Variants in FMNL2 observed in about 807,000 individuals in gnomAD.
FMNL2 encodes formin like 2.
Under a neutral mutation model 130.2 loss-of-function variants are expected in FMNL2, and 51 were observed. The observed-to-expected ratio is 0.39, with a 90% CI of 0.31 to 0.49. The LOEUF is 0.49. Among genes scored for constraint, FMNL2 ranks in the 20% least tolerant of loss-of-function variants. The probability of loss-of-function intolerance (pLI) is 0.85; values close to 1 mark genes in which losing one functional copy is unlikely to be tolerated. For missense variants in FMNL2, 977 were observed against 1,316.2 expected (o/e 0.74, Z 3.99); for synonymous variants, 465 against 467.1 (o/e 1.00, Z 0.06).
chr2:152,454,582 T>G (rs1239877815), intron 1 of FMNL2, among the ~76,000 whole-genome samples: 1 of 152,222 alleles, frequency 6.6e-6, no homozygotes, highest in Non-Finnish European at 1.5e-5. Flanking sequence ...GAAGGAGTTT[T>G]AGAGCCTATG....
chr2:152,427,066 G>T (rs1233165236), intron 1 of FMNL2, among the ~76,000 whole-genome samples: 1 of 152,184 alleles, frequency 6.6e-6, no homozygotes, highest in African/African-American at 2.4e-5. Flanking sequence ...GGAGAGGATT[G>T]TATCAACCTG....
At chr2:152,530,688 G>A (rs137876878) in intron 2 of FMNL2, among the ~76,000 whole-genome samples, 1 of 152,220 alleles carries the variant, frequency 6.6e-6, no homozygotes, top group African/African-American at 2.4e-5. Context: ...AATGCTCTTA[G>A]CCCAGATACA....
chr2:152,485,077 G>A (rs1189953472), intron 1 of FMNL2, among the ~76,000 whole-genome samples: 1 of 152,156 alleles, frequency 6.6e-6, no homozygotes, highest in Non-Finnish European at 1.5e-5. Context: ...ATATTCTGGG[G>A]CTGGGCATGG....
intron 3 of FMNL2, among the ~76,000 whole-genome samples, chr2:152,548,105 C>G (rs2105524311): frequency 6.6e-6 from 1 of 152,226 alleles, no homozygotes; most frequent in Admixed American, 6.5e-5. Context: ...GGGATTTTAA[C>G]AGGCAAGGGA....
intron 9 of FMNL2, among the ~76,000 whole-genome samples, chr2:152,598,615 G>A (rs1263106897): frequency 5.6e-5 from 7 of 125,294 alleles, no homozygotes; most frequent in South Asian, 2.5e-4. Context: ...CTTGAAACCC[G>A]GGAGGTAGAG....
intron 1 of FMNL2, among the ~76,000 whole-genome samples, chr2:152,349,388 G>A (rs1237437017): frequency 6.6e-6 from 1 of 152,214 alleles, no homozygotes; most frequent in Admixed American, 6.5e-5. Context: ...GAGACAATGG[G>A]CTGAGGGTGT....
At chr2:152,399,373 G>A (rs374890418) in intron 1 of FMNL2, among the ~76,000 whole-genome samples, 3 of 152,194 alleles carry the variant, frequency 2.0e-5, no homozygotes, top group African/African-American at 4.8e-5. Flanking sequence ...TGTGAGCCCC[G>A]GATGGTCTCT....
chr2:152,481,146 C>T (rs1232204199), intron 1 of FMNL2, among the ~76,000 whole-genome samples: 1 of 152,178 alleles, frequency 6.6e-6, no homozygotes, highest in African/African-American at 2.4e-5. Flanking sequence ...GGAAAGTAAA[C>T]ACTTAACTGA....
At chr2:152,370,389 C>T (rs1683808554) in intron 1 of FMNL2, among the ~76,000 whole-genome samples, 1 of 152,188 alleles carries the variant, frequency 6.6e-6, no homozygotes, top group Non-Finnish European at 1.5e-5. Context: ...CCAAAGGCCC[C>T]ACCTTTTAAT....
intron 11 of FMNL2, among the ~76,000 whole-genome samples, chr2:152,612,079 T>C (rs1412747696): frequency 6.6e-6 from 1 of 152,208 alleles, no homozygotes; most frequent in East Asian, 1.9e-4. Flanking sequence ...GCTGCTAAAT[T>C]CTGCTTCAAG....
intron 1 of FMNL2, among the ~76,000 whole-genome samples, chr2:152,375,873 C>A (rs373760804): frequency 0.035 from 3,967 of 113,106 alleles, 84 homozygotes; most frequent in South Asian, 0.071. Context: ...CTCTCTCTCT[C>A]TCTCTATATA....
At chr2:152,403,901 C>T (rs1685841716) in intron 1 of FMNL2, among the ~76,000 whole-genome samples, 1 of 152,206 alleles carries the variant, frequency 6.6e-6, no homozygotes. Flanking sequence ...AACCCCCTCT[C>T]TACTAAAAAT....
intron 1 of FMNL2, among the ~76,000 whole-genome samples, chr2:152,517,117 A>C (rs1335965449): frequency 6.6e-6 from 1 of 152,176 alleles, no homozygotes; most frequent in East Asian, 1.9e-4. Context: ...TGTATGTGGC[A>C]GAAGACGCTC....
In FMNL2 at chr2:152,409,551, C is replaced by T. The variant is rs144820706; in HGVS notation, c.117+73831C>T. Among the ~76,000 whole-genome samples the T allele has an allele frequency of 6.9e-4, 105 of 152,222 alleles. 1 individual carries two copies. Among genetic ancestry groups the T allele is most frequent in the African/African-American group, 2.5e-3 (104 of 41,524 alleles). On this transcript the variant is annotated intron_variant, in intron 1 of 25. Transcript: ENST00000288670. ...AGAAGGCATGGTGAAGTTTCACAGT[C>T]TTGTGGATAAGTTTCCCATTTGATA...
At chr2:152,591,379 T>C (rs1163480541) in intron 9 of FMNL2, among the ~76,000 whole-genome samples, 1 of 152,188 alleles carries the variant, frequency 6.6e-6, no homozygotes, top group Non-Finnish European at 1.5e-5. Flanking sequence ...TTGTGTAACA[T>C]CTCTCCAGAC....
intron 1 of FMNL2, among the ~76,000 whole-genome samples, chr2:152,465,811 A>G (rs1191290289): frequency 2.0e-5 from 3 of 152,342 alleles, no homozygotes; most frequent in Middle Eastern, 3.4e-3. Flanking sequence ...GCTTGCGCCT[A>G]GAGCAAAGGA....
intron 1 of FMNL2, among the ~76,000 whole-genome samples, chr2:152,353,414 A>G (rs1020192639): frequency 1.3e-4 from 20 of 152,186 alleles, no homozygotes; most frequent in African/African-American, 4.8e-4. Context: ...GTGGTAAGAG[A>G]ATCTACCCCA....
At chr2:152,645,404 C>A in intron 25 of FMNL2, 1 of 1,225,490 alleles carries the variant, frequency 8.2e-7, no homozygotes, top group Non-Finnish European at 1.1e-6. Flanking sequence ...TCTTAACCAT[C>A]ATTTTGTGTT....
Position 152,512,719 on chromosome 2 carries a change from A to G in FMNL2, c.118-9224A>G, listed in dbSNP as rs192999320. Among the ~76,000 whole-genome samples, 187 of 152,282 alleles carry G rather than the reference A, an allele frequency of 1.2e-3. 1 individual carries two copies. Among genetic ancestry groups the G allele is most frequent in the African/African-American group, 4.2e-3 (174 of 41,564 alleles). ...CATTTTTGTCTGTTAGGTTGTGTTC[A>G]CTGGTTTAAAAAATGGATAATTTTC... is the stretch of plus-strand genomic sequence containing the variant. On this transcript the variant is annotated intron_variant, in intron 1 of 25. Coordinates refer to ENST00000288670, the MANE Select transcript of FMNL2 (RefSeq NM_052905.4).
Sources: gnomAD v4.1 joint callset for allele counts (sites outside exome capture counted in the v4.1 genomes callset) on GRCh38, gnomAD v4.1.1 for gene constraint, MANE v1.5 for transcripts, NCBI Gene and HGNC (gene_info 2026-07-23, HGNC 2026-07-21) for gene names.